CCDC171: variants seen among roughly 807,000 people sequenced by gnomAD.
CCDC171 encodes the protein coiled-coil domain-containing protein 171.
A neutral mutation model predicts 168.2 loss-of-function variants in CCDC171; 177 were observed. The ratio of observed to expected loss-of-function variants is 1.05; its 90% CI spans 0.93 to 1.19. The LOEUF is 1.19. Among genes scored for constraint, CCDC171 ranks in the 50% most tolerant of loss-of-function variants. CCDC171 has a pLI of 0.00. For missense variants in CCDC171, 1,991 were observed against 1,539.0 expected, an observed-to-expected ratio of 1.29 and a Z score of -4.91; for synonymous variants, 687 against 540.8, an observed-to-expected ratio of 1.27 and a Z score of -3.75.
intron 7 of CCDC171, among the ~76,000 whole-genome samples, chr9:15,638,339 G>A (rs1177177426): frequency 6.6e-6 from 1 of 152,028 alleles, no homozygotes. Flanking sequence ...GTGACATAAT[G>A]AACAAGAAGT....
At chr9:15,887,079 T>G (rs1264845971) in intron 24 of CCDC171, among the ~76,000 whole-genome samples, 1 of 152,140 alleles carries the variant, frequency 6.6e-6, no homozygotes, top group Non-Finnish European at 1.5e-5. Context: ...CATTGTGTAC[T>G]TGAAATTTGC....
intron 6 of CCDC171, among the ~76,000 whole-genome samples, chr9:15,621,848 C>G (rs528080244): frequency 2.6e-5 from 4 of 152,148 alleles, no homozygotes; most frequent in Admixed American, 6.5e-5. Flanking sequence ...CATTGCAGCA[C>G]TATTCACAAT....
chr9:16,035,427 C>A (rs1205781175), intron 6 of CCDC171: 1 of 152,082 alleles, frequency 6.6e-6, no homozygotes. Flanking sequence ...TAATTTAACA[C>A]CCGAGTTCAC....
rs77592506 is a variant in CCDC171 at position 15,695,689 on chromosome 9, A to T, written c.1318+352A>T. 7.7e-3 allele frequency among the ~76,000 whole-genome samples: 1,167 copies of T among 152,286 alleles called. 12 individuals are homozygous for T. The highest frequency in any genetic ancestry group is 0.023 in the South Asian group (112 of 4,826). ...TCAAACTGAGCCAAATTCTGAGGCA[A>T]CCTTCAGCAACTTAAAGGTCATGCA... On this transcript the variant is annotated intron_variant, in intron 11 of 25. Transcript: ENST00000380701.
chr9:16,051,304 T>C (rs1653388627), intron 1 of CCDC171, among the ~76,000 whole-genome samples: 1 of 152,184 alleles, frequency 6.6e-6, no homozygotes, highest in Non-Finnish European at 1.5e-5. Context: ...AGTTTCCTTA[T>C]CCAAAACAGT....
At chr9:15,860,013 T>C (rs1309184769) in intron 23 of CCDC171, among the ~76,000 whole-genome samples, 2 of 151,696 alleles carry the variant, frequency 1.3e-5, no homozygotes, top group African/African-American at 4.8e-5. Flanking sequence ...TCAGTCTTGT[T>C]AGGTTGCATG....
chr9:15,937,919 G>A (rs1827286784), intron 25 of CCDC171, among the ~76,000 whole-genome samples: 1 of 151,902 alleles, frequency 6.6e-6, no homozygotes, highest in Non-Finnish European at 1.5e-5. Context: ...ATAATTAATT[G>A]TGAGGAATGG....
At chr9:15,554,341 G>A (rs1008051917) in intron 1 of CCDC171, among the ~76,000 whole-genome samples, 1 of 152,160 alleles carries the variant, frequency 6.6e-6, no homozygotes, top group Non-Finnish European at 1.5e-5. Context: ...TTATTTAACT[G>A]TTAGTTCCTA....
chr9:15,983,815 A>AGTGTGTGTGTGTGTGTGT lies in CCDC171; in HGVS notation n.369-36773_369-36772insTGTGTGTGTGTGTGTGTG, dbSNP rs563329483. Among the ~76,000 whole-genome samples, 169 of 124,556 alleles carry AGTGTGTGTGTGTGTGTGT rather than the reference A, an allele frequency of 1.4e-3. 2 individuals are homozygous for AGTGTGTGTGTGTGTGTGT. Among genetic ancestry groups the AGTGTGTGTGTGTGTGTGT allele is most frequent in the Middle Eastern group, 5.0e-3 (1 of 202 alleles). 81.7% of individuals were successfully genotyped at this position (124,556 alleles called of 152,430 possible). A position where few individuals can be genotyped will look rare whatever the true frequency, so the allele number is the denominator to read the frequency against. ...GTAGGGAGGCAAGAGCTAAATAAAG[A>AGTGTGTGTGTGTGTGTGT]GAGTGTGTGTGTGTGTGTGTGTGTG... On this transcript the variant is annotated intron_variant and non_coding_transcript_variant, in intron 3 of 9. Coordinates refer to the CCDC171 transcript ENST00000486641.
chr9:15,779,424 A>G (rs892035804), intron 20 of CCDC171, among the ~76,000 whole-genome samples: 16 of 152,118 alleles, frequency 1.1e-4, no homozygotes, highest in Middle Eastern at 3.4e-3. Context: ...CAGTGGCACT[A>G]TCTCAGCTCA....
chr9:15,887,323 G>C (rs1819565019), intron 24 of CCDC171, among the ~76,000 whole-genome samples: 1 of 152,120 alleles, frequency 6.6e-6, no homozygotes, highest in South Asian at 2.1e-4. Flanking sequence ...AGTAATTTTA[G>C]AAATGGTTTA....
chr9:15,964,130 C>A (rs1830587357), intron 25 of CCDC171, among the ~76,000 whole-genome samples: 1 of 152,170 alleles, frequency 6.6e-6, no homozygotes, highest in Non-Finnish European at 1.5e-5. Context: ...ATTGCCCTAT[C>A]AGAGGGAAAT....
Position 15,744,721 on chromosome 9 carries a change from A to G in CCDC171, c.2498A>G (p.Glu833Gly), listed in dbSNP as rs776525702. 5 of 1,614,088 alleles carry G rather than the reference A, an allele frequency of 3.1e-6. No individual in the cohort carries two copies. The South Asian group carries it at 5.5e-5, about 18-fold the overall frequency. ...TTTACCTGGATGGAGAGTTTCAAAGAAGGCATAGGCATGTTAGTGTGCACA... is the reference window on the plus strand; with the variant it reads ...TTTACCTGGATGGAGAGTTTCAAAGGAGGCATAGGCATGTTAGTGTGCACA... ...SLFTWMESFK[E>G]GIGMLVCTGE... The change falls in exon 17 of 26, where the codon GAA becomes GGA. Residue 833 changes from glutamate (E) to glycine (G), a missense_variant. Coordinates refer to ENST00000380701, the MANE Select transcript of CCDC171 (RefSeq NM_173550.4).
At chr9:15,989,400 G>A (rs1832110692) in intron 3 of CCDC171, among the ~76,000 whole-genome samples, 1 of 152,084 alleles carries the variant, frequency 6.6e-6, no homozygotes, top group African/African-American at 2.4e-5. Flanking sequence ...CAAACAGAAA[G>A]GACATCCACA....
rs562964318 is a variant in CCDC171, at chr9:15,912,677, T to C, written c.3601-7593T>C. Among the ~76,000 whole-genome samples, 585 of 152,338 alleles carry C rather than the reference T, an allele frequency of 3.8e-3. 6 individuals are homozygous for C. The highest frequency in any genetic ancestry group is 0.014 in the African/African-American group (569 of 41,580). ...CAGTATGATATTGGCTGTGCGTTTG[T>C]CATAAATAGCTCTTATTATTTTGAG... On this transcript the variant is annotated intron_variant, in intron 24 of 25. Transcript: ENST00000380701.
chr9:15,648,867 T>C (rs766763447), intron 7 of CCDC171, among the ~76,000 whole-genome samples: 35 of 152,136 alleles, frequency 2.3e-4, no homozygotes, highest in Non-Finnish European at 3.5e-4. Context: ...AAGCTACCAA[T>C]GACTTTCTTC....
Position 15,817,439 on chromosome 9 carries a change from T to C in CCDC171, c.3268-29263T>C, listed in dbSNP as rs1295784843. Reference sequence around the variant, plus strand: ...GCACAAGGGGTCAGGGAATTCCCTTTCCTAGTCAAAGAAAGGAGTGACAGA... The same window carrying C: ...GCACAAGGGGTCAGGGAATTCCCTTCCCTAGTCAAAGAAAGGAGTGACAGA... On this transcript the variant is annotated intron_variant, in intron 21 of 25. Transcript: ENST00000380701. Among the ~76,000 whole-genome samples, 2 of 117,942 alleles carry C rather than the reference T, an allele frequency of 1.7e-5. 1 individual carries two copies. Among genetic ancestry groups the C allele is most frequent in the African/African-American group, 6.4e-5 (2 of 31,444 alleles). The allele number at this position is 117,942 out of a possible 152,430, so 77.4% of individuals were successfully genotyped here.
chr9:15,718,883 C>T (rs559015960), intron 11 of CCDC171, among the ~76,000 whole-genome samples: 2 of 152,282 alleles, frequency 1.3e-5, no homozygotes, highest in East Asian at 3.9e-4. Flanking sequence ...GTCCAGACTG[C>T]ATAGACTAAA....
At chr9:15,970,680 G>C (rs1831261996) in intron 25 of CCDC171, among the ~76,000 whole-genome samples, 1 of 152,062 alleles carries the variant, frequency 6.6e-6, no homozygotes, top group Non-Finnish European at 1.5e-5. Context: ...CCATGACTTT[G>C]TGGCATTTTT....
Sources: allele counts gnomAD v4.1 joint callset (sites outside exome capture counted in the v4.1 genomes callset), GRCh38; gene constraint gnomAD v4.1.1; transcripts MANE v1.5; gene names NCBI Gene and HGNC (gene_info 2026-07-23, HGNC 2026-07-21).